Variants in RDX observed in about 807,000 individuals in gnomAD.
RDX encodes the protein radixin.
Under a neutral mutation model 83.7 loss-of-function variants are expected in RDX, and 32 were observed. The observed-to-expected ratio is 0.38, with a 90% CI of 0.29 to 0.51. The LOEUF (loss-of-function observed/expected upper bound fraction) is 0.51. Among genes scored for constraint, RDX ranks in the 20% least tolerant of loss-of-function variants. The pLI, the probability that RDX is intolerant of heterozygous loss-of-function variation, is 0.87. For missense variants in RDX, 600 were observed against 689.9 expected (o/e 0.87, Z 1.46); for synonymous variants, 229 against 222.7 (o/e 1.03, Z -0.25).
chr11:110,179,850 G>C (rs564658115), intron 15 of RDX: 112 of 416,838 alleles, frequency 2.7e-4, no homozygotes, highest in African/African-American at 2.1e-3. Context: ...CAGCCTCTAG[G>C]CCTCCCTGCA....
chr11:110,229,872 T>C lies in RDX; in HGVS notation c.*1997A>G, dbSNP rs1267997527. 1 of 152,548 alleles carries C rather than the reference T, an allele frequency of 6.6e-6. No homozygotes were observed. Among genetic ancestry groups the C allele is most frequent in the Non-Finnish European group, 1.5e-5 (1 of 67,960 alleles). 9.4% of individuals were successfully genotyped at this position (152,548 alleles called of 1,614,324 possible). A position where few individuals can be genotyped will look rare whatever the true frequency, so the allele number is the denominator to read the frequency against. ...TGAAAGTTCAGGTTTTTATCTATTA[T>C]GCAATTGCTTTAAAGTGAACATTTA... is the stretch of plus-strand genomic sequence containing the variant. On this transcript the variant is annotated 3_prime_UTR_variant, in exon 14 of 14. Coordinates refer to ENST00000645495, the MANE Select transcript of RDX (RefSeq NM_002906.4).
At chr11:110,286,798 G>A (rs1327834219) in intron 1 of RDX, among the ~76,000 whole-genome samples, 1 of 152,176 alleles carries the variant, frequency 6.6e-6, no homozygotes, top group East Asian at 1.9e-4. Context: ...AACTCTGGCA[G>A]TCCAATCAAC....
chr11:110,252,626 CTATGTG>C (rs1365687135), intron 9 of RDX, among the ~76,000 whole-genome samples: 2 of 151,962 alleles, frequency 1.3e-5, no homozygotes, highest in African/African-American at 2.4e-5. Context: ...AAATGCAAGG[CTATGTG>C]TATAAGAATG....
intron 15 of RDX, among the ~76,000 whole-genome samples, chr11:110,193,651 T>C (rs955886858): frequency 2.6e-5 from 4 of 152,194 alleles, no homozygotes; most frequent in African/African-American, 9.7e-5. Context: ...AAGAAGACAC[T>C]CTAAGAACAA....
At chr11:110,264,643 A>C (rs893211398) in intron 4 of RDX, 136 bp downstream of exon 4, 1 of 606,840 alleles carries the variant, frequency 1.6e-6, no homozygotes, top group Non-Finnish European at 2.8e-6. Context: ...GAATTTAAAA[A>C]AACATGGTAC....
intron 1 of RDX, among the ~76,000 whole-genome samples, chr11:110,287,955 T>C (rs1861054128): frequency 6.6e-6 from 1 of 152,190 alleles, no homozygotes; most frequent in African/African-American, 2.4e-5. Flanking sequence ...TCGAAACAAT[T>C]ACTAGGGCTT....
chr11:110,273,057 A>G (rs1860367518), intron 2 of RDX: 1 of 456,182 alleles, frequency 2.2e-6, no homozygotes, highest in Non-Finnish European at 4.4e-6. Flanking sequence ...CAAGACTATG[A>G]AAAATTTAAA....
At chr11:110,263,459 A>T (rs1859882233) in intron 5 of RDX, 1 of 152,742 alleles carries the variant, frequency 6.5e-6, no homozygotes, top group South Asian at 2.1e-4. Flanking sequence ...GAAAGAAGAG[A>T]TAGATCAACC....
chr11:110,199,661 T>A, exon 15 of RDX: 1 of 703,042 alleles, frequency 1.4e-6, no homozygotes. Flanking sequence ...GAACAATGCA[T>A]ACAGTTTGGG....
At chr11:110,215,049 A>AAAATATAT (rs1355797892) in intron 14 of RDX, among the ~76,000 whole-genome samples, 1 of 97,270 alleles carries the variant, frequency 1.0e-5, no homozygotes, top group East Asian at 2.8e-4. Context: ...AAAAAAAAAA[A>AAAATATAT]ATATATATAT....
At chr11:110,184,837 G>A (rs1056444401) in intron 15 of RDX, among the ~76,000 whole-genome samples, 4 of 152,198 alleles carry the variant, frequency 2.6e-5, no homozygotes, top group Non-Finnish European at 2.9e-5. Flanking sequence ...CCTGCTGAAT[G>A]ATGTCAATTA....
At chr11:110,285,861 G>T (rs914301358) in intron 1 of RDX, among the ~76,000 whole-genome samples, 1 of 151,554 alleles carries the variant, frequency 6.6e-6, no homozygotes, top group Non-Finnish European at 1.5e-5. Context: ...ATATCCTGGG[G>T]TTCCATCTCT....
chr11:110,215,734 G>C (rs1864028349), intron 14 of RDX, among the ~76,000 whole-genome samples: 1 of 152,168 alleles, frequency 6.6e-6, no homozygotes, highest in African/African-American at 2.4e-5. Context: ...GCTTTAAACT[G>C]GAAAGGTCAC....
intron 3 of RDX, among the ~76,000 whole-genome samples, chr11:110,269,281 A>C (rs1860196188): frequency 6.6e-6 from 1 of 152,122 alleles, no homozygotes; most frequent in Non-Finnish European, 1.5e-5. Context: ...TCTAGCCTAA[A>C]AATATATTTT....
rs766246489 is a variant in RDX, at chr11:110,264,836, A to C, written c.135T>G (p.Phe45Leu). Reference sequence around the variant, plus strand: ...CTTTGCTGTCTACATACTGCAGCCCAAAAAACCAGACCTCACGCAAACCAA... The same window carrying C: ...CTTTGCTGTCTACATACTGCAGCCCCAAAAACCAGACCTCACGCAAACCAA... ...KTVGLREVWFFGLQYVDSKGY... is the reference protein window; with the variant it reads ...KTVGLREVWFLGLQYVDSKGY... Residue 45 changes from phenylalanine to leucine, a missense_variant, in exon 4 of 14, where the codon TTT becomes TTG. Coordinates refer to ENST00000645495, the MANE Select transcript of RDX (RefSeq NM_002906.4). 6.2e-7 allele frequency: 1 copy of C among 1,613,720 alleles called. No individual in the cohort carries two copies. Among genetic ancestry groups the C allele is most frequent in the African/African-American group, 1.3e-5 (1 of 74,922 alleles).
intron 15 of RDX, among the ~76,000 whole-genome samples, chr11:110,189,849 C>T (rs12288552): frequency 0.043 from 6,498 of 151,894 alleles, 474 homozygotes; most frequent in African/African-American, 0.15. Context: ...TTTGGGAGGC[C>T]GAGGTGGGCA....
intron 5 of RDX, among the ~76,000 whole-genome samples, chr11:110,260,810 A>ATAC (rs1859772148): frequency 1.3e-5 from 2 of 152,312 alleles, no homozygotes; most frequent in South Asian, 4.1e-4. Context: ...TAGGCTAATA[A>ATAC]TACTAATACA....
intron 3 of RDX, among the ~76,000 whole-genome samples, chr11:110,271,419 T>G (rs1860307522): frequency 6.6e-6 from 1 of 152,210 alleles, no homozygotes; most frequent in Non-Finnish European, 1.5e-5. Flanking sequence ...GTTATCCTCC[T>G]CTAAGTTTCA....
downstream of RDX, among the ~76,000 whole-genome samples, chr11:110,228,719 A>G (rs1398334439): frequency 5.3e-5 from 8 of 151,916 alleles, no homozygotes; most frequent in Admixed American, 3.9e-4. Context: ...AAAAAACACA[A>G]TAATATTGAA....
Sources: allele counts gnomAD v4.1 joint callset (sites outside exome capture counted in the v4.1 genomes callset), GRCh38; gene constraint gnomAD v4.1.1; transcripts MANE v1.5; gene names NCBI Gene and HGNC (gene_info 2026-07-23, HGNC 2026-07-21).